The following SEPTIN6 variants were observed in gnomAD, a reference collection of about 807,000 sequenced individuals.
SEPTIN6 encodes the protein septin-6.
A neutral mutation model predicts 33.6 loss-of-function variants in SEPTIN6; 8 were observed. That is an observed-to-expected ratio of 0.24 (90% CI 0.14 to 0.43). The LOEUF (loss-of-function observed/expected upper bound fraction) is 0.43. SEPTIN6 is among the 20% of genes least tolerant of loss of function. The probability of loss-of-function intolerance (pLI) is 1.00; values close to 1 mark genes in which losing one functional copy is unlikely to be tolerated. For synonymous variants in SEPTIN6, 131 were observed against 140.0 expected, an observed-to-expected ratio of 0.94 and a Z score of 0.45; for missense variants, 250 against 340.8, an observed-to-expected ratio of 0.73 and a Z score of 2.10.
rs954805515 is a variant in SEPTIN6, at chrX:119,616,963, A to G, written c.*3130T>C. 7.7e-6 allele frequency: 8 copies of G among 1,037,142 alleles called. No individual in the cohort carries two copies. The highest frequency in any genetic ancestry group is 1.9e-5 in the African/African-American group (1 of 52,036). 85.5% of individuals were successfully genotyped at this position (1,037,142 alleles called of 1,213,427 possible). On this transcript the variant is annotated 3_prime_UTR_variant, in exon 11 of 11. Transcript: ENST00000394610. The stretch of plus-strand genomic sequence containing the variant: ...ACACCAGTTTAAAGCTTCTTGTTTT[A>G]ATTAAAAACAAGCACATATTAACAG...
In SEPTIN6 at chrX:119,618,332, C is replaced by G; in HGVS notation, c.*1761G>C. On this transcript the variant is annotated 3_prime_UTR_variant, in exon 11 of 11. Transcript: ENST00000394610. ...ACTCACCAATCAATAGAGCACCAAA[C>G]CTACACAGCAAACCTATATTCTTGC... 1.2e-6 allele frequency: 1 copy of G among 815,569 alleles called. No individual in the cohort carries two copies. The allele number at this position is 815,569 out of a possible 1,213,427, so 67.2% of individuals were successfully genotyped here.
At chrX:119,671,242 T>C (rs1472806038) in intron 2 of SEPTIN6, among the ~76,000 whole-genome samples, 2 of 109,751 alleles carry the variant, frequency 1.8e-5, no homozygotes, top group African/African-American at 6.6e-5. Flanking sequence ...GCCCAGGAGT[T>C]AGGGACCAGC....
chrX:119,675,702 T>C, intron 1 of SEPTIN6, 34 bp from the exon 2 acceptor site: 1 of 897,951 alleles, frequency 1.1e-6, no homozygotes, highest in Non-Finnish European at 1.5e-6. Context: ...AAAATGAAAA[T>C]GTGCTTAAAA....
chrX:119,667,721 C>T (rs1227091309), intron 2 of SEPTIN6, among the ~76,000 whole-genome samples: 1 of 110,008 alleles, frequency 9.1e-6, no homozygotes, highest in East Asian at 2.9e-4. Context: ...GCACACGTGA[C>T]CTAACTGGGA....
chrX:119,651,676 AT>A (rs1353673606), intron 4 of SEPTIN6, among the ~76,000 whole-genome samples: 2 of 110,193 alleles, frequency 1.8e-5, no homozygotes, highest in Non-Finnish European at 3.8e-5. Context: ...CGTCTCAAAA[AT>A]AAATAAATAA....
intron 1 of SEPTIN6, among the ~76,000 whole-genome samples, chrX:119,688,019 G>A (rs761649473): frequency 1.8e-5 from 2 of 112,489 alleles, no homozygotes; most frequent in Non-Finnish European, 3.8e-5. Flanking sequence ...GAGTTCCTGC[G>A]TGCCTTGGCC....
Position 119,663,488 on chromosome X carries a change from T to C in SEPTIN6, c.335A>G (p.Glu112Gly). Residue 112 changes from glutamate to glycine, a missense_variant, in exon 3 of 11, where the codon GAG becomes GGG. Around this residue, in one of 2 missense-constraint regions of SEPTIN6, gnomAD observed 111 missense variants for 113.8 expected, o/e 0.98. Transcript: ENST00000394610. ...ACCCCACCGCCTTCTTTACCTGTCC[T>C]CTTTGTTGATCTGGTCCCCAAAGCC... ...TVGFGDQINK[E>G]DSYKPIVEFI... 2.5e-6 allele frequency: 2 copies of C among 787,021 alleles called. No individual in the cohort carries two copies. The highest frequency in any genetic ancestry group is 3.5e-6 in the Non-Finnish European group (2 of 577,282). The allele number at this position is 787,021 out of a possible 1,213,427, so 64.9% of individuals were successfully genotyped here.
chrX:119,692,963 TG>T, intron 1 of SEPTIN6, 112 bp downstream of exon 1: 2 of 800,863 alleles, frequency 2.5e-6, no homozygotes, highest in Non-Finnish European at 3.7e-6. Flanking sequence ...ACCGTGCCCT[TG>T]GCTCCTGGAT....
At position 119,629,392 on chromosome X, in the gene SEPTIN6, C is replaced by T. The variant is rs777388073; in HGVS notation, c.1206G>A (p.Ala402=). The T allele has an allele frequency of 1.5e-5, 18 of 1,209,892 alleles. No individual in the cohort carries two copies. The South Asian group carries it at 1.6e-4, about 11-fold the overall frequency. ...EVNAFKQRKT[A]AELLQSQGSQ... ...AGCCCTGGGACTGGAGCAGCTCAGC[C>T]GCCGTCTTTCTTTGCTTGAAAGCAT... Residue 402 remains alanine (A), a synonymous_variant, in exon 9 of 11, where the codon GCG becomes GCA. Coordinates refer to ENST00000394610, the MANE Select transcript of SEPTIN6 (RefSeq NM_145799.4).
At chrX:119,672,636 T>A (rs184734949) in intron 2 of SEPTIN6, among the ~76,000 whole-genome samples, 35 of 112,596 alleles carry the variant, frequency 3.1e-4, no homozygotes, top group Middle Eastern at 9.2e-3. Context: ...GACTCTGATA[T>A]GTTTGTGCTT....
chrX:119,616,943 A>C, downstream of SEPTIN6: 1 of 1,035,272 alleles, frequency 9.7e-7, no homozygotes, highest in Non-Finnish European at 1.2e-6. Context: ...ACCACACACC[A>C]GTTTAAAGCT....
chrX:119,626,578 T>C, intron 9 of SEPTIN6, among the ~76,000 whole-genome samples: 1 of 112,365 alleles, frequency 8.9e-6, no homozygotes, highest in Non-Finnish European at 1.9e-5. Flanking sequence ...GACTTTTTTC[T>C]GGCTAGTTGA....
At chrX:119,650,216 G>T in intron 4 of SEPTIN6, 118 bp from the exon 5 acceptor site, 1 of 654,267 alleles carries the variant, frequency 1.5e-6, no homozygotes, top group African/African-American at 2.1e-5. Context: ...TCAAAGACTG[G>T]CCACTTCTGT....
chrX:119,640,514 G>A (rs993226640), intron 6 of SEPTIN6, among the ~76,000 whole-genome samples, 178 bp downstream of exon 6: 3 of 108,359 alleles, frequency 2.8e-5, no homozygotes, highest in Non-Finnish European at 3.8e-5. Context: ...TCCCATCAGA[G>A]CATCCCAGTA....
At chrX:119,673,467 G>C (rs962410543) in intron 2 of SEPTIN6, among the ~76,000 whole-genome samples, 2 of 111,160 alleles carry the variant, frequency 1.8e-5, no homozygotes, top group Non-Finnish European at 3.8e-5. Context: ...ACTTGTCCTT[G>C]AATGTGTAGC....
chrX:119,691,530 T>C (rs977354540), intron 1 of SEPTIN6, among the ~76,000 whole-genome samples: 1 of 111,793 alleles, frequency 8.9e-6, no homozygotes, highest in African/African-American at 3.3e-5. Context: ...AATTGCATCA[T>C]CACAGAGAAT....
At chrX:119,628,630 C>T (rs1349520170) in intron 9 of SEPTIN6, among the ~76,000 whole-genome samples, 2 of 108,297 alleles carry the variant, frequency 1.8e-5, no homozygotes, top group African/African-American at 3.4e-5. Context: ...CTCAGCCTCC[C>T]GAGTAGCTGG....
rs1445300539 is a variant in SEPTIN6, at chrX:119,620,062, A to G, written c.*42-11T>C. 1 of 1,179,302 alleles carries G rather than the reference A, an allele frequency of 8.5e-7. No individual in the cohort carries two copies. Among genetic ancestry groups the G allele is most frequent in the South Asian group, 1.8e-5 (1 of 55,601 alleles). ...TACAGGAAGCCCAAACTGAAAATGAAAAGAGAAGCTGAGTTAATGAATGGA... is the reference window on the plus strand; with the variant it reads ...TACAGGAAGCCCAAACTGAAAATGAGAAGAGAAGCTGAGTTAATGAATGGA... On this transcript the variant is annotated splice_polypyrimidine_tract_variant and intron_variant, in intron 10 of 10. Coordinates refer to ENST00000394610, the MANE Select transcript of SEPTIN6 (RefSeq NM_145799.4).
At chrX:119,646,756 TG>T in intron 5 of SEPTIN6, 1 of 296,089 alleles carries the variant, frequency 3.4e-6, no homozygotes. Context: ...GACAATTGGC[TG>T]GGGTGGCTGA....
Sources: gnomAD v4.1 joint callset for allele counts (sites outside exome capture counted in the v4.1 genomes callset) on GRCh38, gnomAD v4.1.1 for gene constraint, gnomAD v4.1.1 regional missense constraint, MANE v1.5 for transcripts, NCBI Gene and HGNC (gene_info 2026-07-23, HGNC 2026-07-21) for gene names.